Variants in F8 observed in about 807,000 individuals in gnomAD.
F8 encodes the protein antihemophilic factor.
A neutral mutation model predicts 140.6 loss-of-function variants in F8; 12 were observed. The observed-to-expected ratio is 0.09, with a 90% CI of 0.05 to 0.14. The LOEUF (loss-of-function observed/expected upper bound fraction) is 0.14. Among genes scored for constraint, F8 ranks in the 10% least tolerant of loss-of-function variants. The pLI is 1.00. For missense variants in F8, 1,354 were observed against 1,720.7 expected (o/e 0.79, Z 3.77); for synonymous variants, 585 against 614.6 (o/e 0.95, Z 0.71).
chrX:155,007,734 C>G (rs1458145021), intron 1 of F8, among the ~76,000 whole-genome samples: 1 of 112,452 alleles, frequency 8.9e-6, no homozygotes, highest in Non-Finnish European at 1.9e-5. Flanking sequence ...GAGAACCTAA[C>G]TAATGCCGCA....
At position 154,961,105 on chromosome X, in the gene F8, G is replaced by A. The variant is rs2073393082; in HGVS notation, c.1507C>T (p.Arg503Cys). The A allele has an allele frequency of 5.0e-6, 6 of 1,201,860 alleles. No individual in the cohort carries two copies. The highest frequency in any genetic ancestry group is 5.9e-5 in the East Asian group (2 of 33,809). ...GGTAATCTCCTTGAATACAAAGGAC[G>A]GACATCAGTGATTCCGTGAGGGTAG... The part of the protein sequence containing the change: ...NIYPHGITDV[R>C]PLYSRRLPKG... Residue 503 changes from arginine (R) to cysteine (C), a missense_variant, in exon 10 of 26, where the codon CGT (arginine) becomes TGT (cysteine). This residue lies in a region of F8 where 252 missense variants were observed against 338.5 expected (regional missense o/e 0.74). Transcript: ENST00000360256.
intron 25 of F8, among the ~76,000 whole-genome samples, chrX:154,845,783 T>A (rs1398317429): frequency 3.6e-5 from 4 of 112,055 alleles, no homozygotes; most frequent in Non-Finnish European, 1.9e-5. Flanking sequence ...TTTTTGTGTC[T>A]CTATCTCCTT....
intron 1 of F8, among the ~76,000 whole-genome samples, chrX:155,011,131 G>A (rs2073704403): frequency 9.0e-6 from 1 of 110,889 alleles, no homozygotes; most frequent in African/African-American, 3.3e-5. Flanking sequence ...CCACAGAATG[G>A]GAAAAAATAT....
At chrX:154,856,789 A>G (rs2072654555) in intron 25 of F8, among the ~76,000 whole-genome samples, 2 of 111,852 alleles carry the variant, frequency 1.8e-5, no homozygotes, top group African/African-American at 3.3e-5. Context: ...ATCAGAATAA[A>G]TGTGCACTGA....
chrX:154,871,784 T>C (rs1422762103), intron 22 of F8, among the ~76,000 whole-genome samples: 1 of 111,934 alleles, frequency 8.9e-6, no homozygotes, highest in East Asian at 2.8e-4. Flanking sequence ...GAGAAAATTT[T>C]TGCAATCTAT....
chrX:154,981,343 ATTGCTGAAGAGTCCTATTCCACCAC>A (rs1303934178), intron 6 of F8, among the ~76,000 whole-genome samples: 24 of 109,854 alleles, frequency 2.2e-4, no homozygotes, highest in Admixed American at 2.0e-3. Context: ...TGAGGAGATT[ATTGCTGAAGAGTCCTATTCCACCAC>A]TTTGCTCCAC....
At position 154,930,325 on chromosome X, in the gene F8, T is replaced by C; in HGVS notation, c.3465A>G (p.Lys1155=). ...PKQLVSLGPE[K]SVEGQNFLSE... ...ACAAGAAATTCTGACCTTCCACAGA[T>C]TTTTCTGGTCCTAAGGATACTAATT... Residue 1155 remains lysine (K), a synonymous_variant, in exon 14 of 26, where the codon AAA becomes AAG. Transcript: ENST00000360256. 1 of 1,211,708 alleles carries C rather than the reference T, an allele frequency of 8.3e-7. No individual in the cohort carries two copies. Among genetic ancestry groups the C allele is most frequent in the South Asian group, 1.8e-5 (1 of 56,958 alleles).
chrX:155,022,707 T>A lies in F8; in HGVS notation c.-155A>T. On this transcript the variant is annotated 5_prime_UTR_variant, in exon 1 of 26. Coordinates refer to ENST00000360256, the MANE Select transcript of F8 (RefSeq NM_000132.4). ...ATTTTAAGGAACTTTACCCACTGGA[T>A]GTGCTCAGCACTAAGCAGTAACCGA... is the stretch of plus-strand genomic sequence containing the variant. 8.9e-7 allele frequency: 1 copy of A among 1,126,379 alleles called. No homozygotes were observed. Among genetic ancestry groups the A allele is most frequent in the African/African-American group, 1.8e-5 (1 of 55,579 alleles). 92.8% of individuals were successfully genotyped at this position (1,126,379 alleles called of 1,213,427 possible). A position where few individuals can be genotyped will look rare whatever the true frequency, so the allele number is the denominator to read the frequency against.
chrX:154,953,523 T>C (rs113742881), intron 12 of F8, among the ~76,000 whole-genome samples: 2,465 of 111,975 alleles, frequency 0.022, 22 homozygotes, highest in Middle Eastern at 0.046. Context: ...TACTTTGTTA[T>C]GGCAGCACTA....
rs1441948340 is a variant in F8 at position 154,983,200 on chromosome X, G to T, written c.787+1487C>A. 6.3e-5 allele frequency among the ~76,000 whole-genome samples: 7 copies of T among 111,987 alleles called. No homozygotes were observed. In the Admixed American group the frequency reaches 6.6e-4, roughly 11 times the overall value. On this transcript the variant is annotated intron_variant, in intron 6 of 25. Transcript: ENST00000360256. ...AATTTTTATGAGCACGTTTTGTTATGATTGTTTTTCATAGAATCCTATTGT... is the reference window on the plus strand; with the variant it reads ...AATTTTTATGAGCACGTTTTGTTATTATTGTTTTTCATAGAATCCTATTGT...
intron 22 of F8, among the ~76,000 whole-genome samples, chrX:154,877,889 G>A (rs1557274160): frequency 1.8e-5 from 2 of 111,786 alleles, no homozygotes; most frequent in African/African-American, 6.5e-5. Flanking sequence ...AAACCTGCTT[G>A]GGGAGACAAT....
chrX:154,879,027 A>C (rs1467076827), intron 22 of F8, among the ~76,000 whole-genome samples: 5 of 112,155 alleles, frequency 4.5e-5, no homozygotes, highest in Admixed American at 3.8e-4. Context: ...GTGTTCATGA[A>C]TTGGAAGACA....
At chrX:154,989,815 A>G (rs1195503112) in intron 4 of F8, among the ~76,000 whole-genome samples, 1 of 112,223 alleles carries the variant, frequency 8.9e-6, no homozygotes, top group African/African-American at 3.2e-5. Context: ...CAAATATTCC[A>G]GTATCTGAAA....
At chrX:155,003,851 T>C (rs1319414542) in intron 1 of F8, among the ~76,000 whole-genome samples, 4 of 108,012 alleles carry the variant, frequency 3.7e-5, no homozygotes, top group Non-Finnish European at 7.7e-5. Context: ...GTCCCAGCTA[T>C]TCAGGAGGCT....
Position 154,931,195 on chromosome X carries a change from G to C in F8, c.2595C>G (p.Asp865Glu), listed in dbSNP as rs369130666. 5.8e-6 allele frequency: 7 copies of C among 1,208,468 alleles called. No individual in the cohort carries two copies. Among genetic ancestry groups the C allele is most frequent in the Non-Finnish European group, 7.8e-6 (7 of 894,007 alleles). The change falls in exon 14 of 26, where the codon GAC becomes GAG. Residue 865 changes from aspartate to glutamate, a missense_variant. Asp to Glu is a conservative substitution (Grantham distance 45). Coordinates refer to ENST00000360256, the MANE Select transcript of F8 (RefSeq NM_000132.4). ...GGCCTGACTCAGGGGTAAATACCAT[G>C]TCCCCACTGTGATGGAGCTGTGGCC... ...HFRPQLHHSG[D>E]MVFTPESGLQ...
At chrX:154,947,994 TTA>T (rs1253035511) in intron 12 of F8, 87 bp from the exon 13 acceptor site, 2 of 698,659 alleles carry the variant, frequency 2.9e-6, no homozygotes, top group Admixed American at 2.5e-5. Context: ...TTAGGAATTA[TTA>T]TATGTTATGC....
At chrX:154,971,245 C>T (rs1261937694) in intron 6 of F8, among the ~76,000 whole-genome samples, 5 of 111,694 alleles carry the variant, frequency 4.5e-5, no homozygotes, top group East Asian at 2.8e-4. Flanking sequence ...TTAATTATAT[C>T]GCCAGTCTAA....
intron 6 of F8, among the ~76,000 whole-genome samples, chrX:154,982,251 T>A (rs782751318): frequency 1.2e-3 from 129 of 105,390 alleles, no homozygotes; most frequent in Admixed American, 1.7e-3. Flanking sequence ...ATCGAGACCA[T>A]CCTGGCTAAC....
intron 6 of F8, among the ~76,000 whole-genome samples, chrX:154,981,388 A>G (rs1472313941): frequency 9.2e-6 from 1 of 108,479 alleles, no homozygotes; most frequent in Non-Finnish European, 1.9e-5. Context: ...CTCAGCATGC[A>G]CTACTTAATC....
Sources: gnomAD v4.1 joint callset for allele counts (sites outside exome capture counted in the v4.1 genomes callset) on GRCh38, gnomAD v4.1.1 for gene constraint, gnomAD v4.1.1 regional missense constraint, MANE v1.5 for transcripts, NCBI Gene and HGNC (gene_info 2026-07-23, HGNC 2026-07-21) for gene names.